The following HDAC4 variants were observed in gnomAD, a reference collection of about 807,000 sequenced individuals.
The protein encoded by HDAC4 is histone deacetylase A.
A neutral mutation model predicts 135.1 loss-of-function variants in HDAC4; 16 were observed. The ratio of observed to expected loss-of-function variants is 0.12; its 90% confidence interval spans 0.08 to 0.18. HDAC4 has a LOEUF of 0.18. Ranked by LOEUF, HDAC4 falls within the 10% of genes least tolerant of loss-of-function variation. The pLI, the probability that HDAC4 is intolerant of heterozygous loss-of-function variation, is 1.00. For missense variants in HDAC4, 1,143 were observed against 1,511.8 expected, an observed-to-expected ratio of 0.76 and a Z score of 4.05; for synonymous variants, 685 against 653.4, an observed-to-expected ratio of 1.05 and a Z score of -0.74.
rs146086649 is a variant in HDAC4 at position 239,266,449 on chromosome 2, G to A, written c.23-29785C>T. 9.2e-4 allele frequency among the ~76,000 whole-genome samples: 140 copies of A among 152,316 alleles called. 1 individual carries two copies. Among genetic ancestry groups the A allele is most frequent in the African/African-American group, 3.3e-3 (136 of 41,568 alleles). On this transcript the variant is annotated intron_variant, in intron 2 of 26. Coordinates refer to ENST00000543185, the MANE Select transcript of HDAC4 (RefSeq NM_001378414.1). ...CACCTGCCCAGGGGGGCCTGGCCCTGTGCTGGCCATGCTACCCCCACCTAT... is the reference window on the plus strand; with the variant it reads ...CACCTGCCCAGGGGGGCCTGGCCCTATGCTGGCCATGCTACCCCCACCTAT...
intron 1 of HDAC4, among the ~76,000 whole-genome samples, chr2:239,362,926 A>G (rs1000512905): frequency 4.6e-5 from 7 of 152,370 alleles, no homozygotes; most frequent in African/African-American, 1.4e-4. Flanking sequence ...ATAACTATTA[A>G]AATAACTAAG....
chr2:239,301,081 G>A (rs756963820), intron 2 of HDAC4, among the ~76,000 whole-genome samples: 3 of 152,300 alleles, frequency 2.0e-5, no homozygotes, highest in African/African-American at 4.8e-5. Context: ...CCTCAGCCCC[G>A]GCGGGGAGCA....
chr2:239,397,214 C>A (rs116718870), intron 1 of HDAC4, among the ~76,000 whole-genome samples: 1 of 152,202 alleles, frequency 6.6e-6, no homozygotes, highest in African/African-American at 2.4e-5. Context: ...AGCAGAGGCA[C>A]GGAGAGGAAC....
In HDAC4 at chr2:239,306,197, A is replaced by G. The variant is rs1381119272; in HGVS notation, c.22+46481T>C. On this transcript the variant is annotated intron_variant, in intron 2 of 26. Coordinates refer to ENST00000543185, the MANE Select transcript of HDAC4 (RefSeq NM_001378414.1). This position sits in a 1 kb window ranked among gnomAD's most constrained non-coding sequence, Gnocchi z 4.5. ...TCTTCCCTGGGAAGTCATTTTCCTG[A>G]ATAGATCTGACTTCCACTTATTTTC... 6.6e-6 allele frequency among the ~76,000 whole-genome samples: 1 copy of G among 152,222 alleles called. No homozygotes were observed. Among genetic ancestry groups the G allele is most frequent in the African/African-American group, 2.4e-5 (1 of 41,448 alleles).
chr2:239,378,417 T>C (rs1575778719), intron 1 of HDAC4, among the ~76,000 whole-genome samples: 1 of 152,126 alleles, frequency 6.6e-6, no homozygotes, highest in African/African-American at 2.4e-5. Context: ...ATGCTCAACG[T>C]GACCACGGCT....
intron 3 of HDAC4, among the ~76,000 whole-genome samples, chr2:239,205,065 T>A (rs1246779798): frequency 6.6e-6 from 1 of 152,108 alleles, no homozygotes; most frequent in Non-Finnish European, 1.5e-5. Context: ...CAGGCACTCA[T>A]CCTTCCGGCC....
intron 24 of HDAC4, among the ~76,000 whole-genome samples, chr2:239,063,239 C>A (rs147047395): frequency 6.6e-6 from 1 of 151,832 alleles, no homozygotes; most frequent in Non-Finnish European, 1.5e-5. Flanking sequence ...CTCGCTCTCT[C>A]GCCCAGGCTG....
chr2:239,098,513 A>G (rs2037319955), intron 16 of HDAC4, among the ~76,000 whole-genome samples: 1 of 152,234 alleles, frequency 6.6e-6, no homozygotes, highest in South Asian at 2.1e-4. Context: ...CTCTGCCCGG[A>G]TGCAGCACCC....
intron 13 of HDAC4, among the ~76,000 whole-genome samples, chr2:239,112,440 A>G (rs2038762681): frequency 6.6e-6 from 1 of 152,200 alleles, no homozygotes; most frequent in Non-Finnish European, 1.5e-5. Flanking sequence ...CGTGCAGGCT[A>G]AAAGCAGTAA....
intron 11 of HDAC4, among the ~76,000 whole-genome samples, 195 bp downstream of exon 11, chr2:239,134,050 T>C (rs552592872): frequency 2.6e-5 from 4 of 152,074 alleles, no homozygotes; most frequent in Non-Finnish European, 5.9e-5. Flanking sequence ...TCCATCTACC[T>C]GACTCTGGGA....
In HDAC4 at chr2:239,084,852, CAT is replaced by C. The variant is rs555777719; in HGVS notation, c.2445-612_2445-611del. Among the ~76,000 whole-genome samples, 379 of 151,330 alleles carry C rather than the reference CAT, an allele frequency of 2.5e-3. 3 individuals carry two copies. The highest frequency in any genetic ancestry group is 8.7e-3 in the African/African-American group (358 of 41,074). On this transcript the variant is annotated intron_variant, in intron 19 of 26. Coordinates refer to ENST00000543185, the MANE Select transcript of HDAC4 (RefSeq NM_001378414.1). Reference sequence around the variant, plus strand: ...ACACACCATGCAAACGCCCTACACACATATATGCCCCACAGATACGCCCATAC... The same window carrying C: ...ACACACCATGCAAACGCCCTACACACATATGCCCCACAGATACGCCCATAC...
At position 239,308,170 on chromosome 2, in the gene HDAC4, G is replaced by C. The variant is rs2125687718; in HGVS notation, c.22+44508C>G. Reference sequence around the variant, plus strand: ...CCCCAGCTTCCTCATCTGTGAGATGGGGGTGGTCAGCGTGCAGGAAGCCCT... The same window carrying C: ...CCCCAGCTTCCTCATCTGTGAGATGCGGGTGGTCAGCGTGCAGGAAGCCCT... On this transcript the variant is annotated intron_variant, in intron 2 of 26. Coordinates refer to ENST00000543185, the MANE Select transcript of HDAC4 (RefSeq NM_001378414.1). The surrounding 1 kb of genome is among the most constrained non-coding windows in gnomAD (Gnocchi z 4.2). 6.6e-6 allele frequency among the ~76,000 whole-genome samples: 1 copy of C among 152,240 alleles called. No homozygotes were observed. The highest frequency in any genetic ancestry group is 2.4e-5 in the African/African-American group (1 of 41,526).
chr2:239,149,025 G>A (rs1328291151), intron 7 of HDAC4, among the ~76,000 whole-genome samples: 2 of 152,248 alleles, frequency 1.3e-5, no homozygotes, highest in African/African-American at 4.8e-5. Context: ...AGGCGGGACA[G>A]GCAGTCAGGG....
At chr2:239,089,055 G>A (rs978080070) in intron 18 of HDAC4, among the ~76,000 whole-genome samples, 1 of 151,506 alleles carries the variant, frequency 6.6e-6, no homozygotes, top group Non-Finnish European at 1.5e-5. Flanking sequence ...AGGGGGAGGA[G>A]GCCACGATTT....
chr2:239,150,920 A>G (rs560191920), intron 7 of HDAC4, among the ~76,000 whole-genome samples: 5 of 150,514 alleles, frequency 3.3e-5, no homozygotes, highest in South Asian at 2.1e-4. Context: ...GTCTCACCAC[A>G]CTGCACCTCC....
At chr2:239,343,379 G>A (rs182182442) in intron 2 of HDAC4, among the ~76,000 whole-genome samples, 24 of 152,294 alleles carry the variant, frequency 1.6e-4, no homozygotes, top group South Asian at 4.1e-4. Flanking sequence ...TCTAAGGACC[G>A]GCAAAGAGAG....
chr2:239,079,980 A>C (rs1331950890), intron 22 of HDAC4, among the ~76,000 whole-genome samples: 1 of 152,018 alleles, frequency 6.6e-6, no homozygotes, highest in African/African-American at 2.4e-5. Flanking sequence ...ATGGACACAC[A>C]CCTGCAGACA....
intron 24 of HDAC4, among the ~76,000 whole-genome samples, chr2:239,056,363 C>T (rs1429314555): frequency 6.6e-6 from 1 of 152,180 alleles, no homozygotes; most frequent in Non-Finnish European, 1.5e-5. Context: ...GGGGAAAATA[C>T]AAGACACGAG....
intron 1 of HDAC4, among the ~76,000 whole-genome samples, chr2:239,354,030 G>T (rs780167773): frequency 2.0e-5 from 3 of 152,014 alleles, no homozygotes; most frequent in Non-Finnish European, 4.4e-5. Context: ...CAATACATGC[G>T]CATCACAGGT....
Sources: allele counts gnomAD v4.1 joint callset (sites outside exome capture counted in the v4.1 genomes callset), GRCh38; gene constraint gnomAD v4.1.1; non-coding constraint Gnocchi (gnomAD v3.1); transcripts MANE v1.5; gene names NCBI Gene and HGNC (gene_info 2026-07-23, HGNC 2026-07-21).